WWOX: variants seen among roughly 807,000 people sequenced by gnomAD.
WWOX encodes the protein WW domain-containing oxidoreductase.
Under a neutral mutation model 46.2 loss-of-function variants are expected in WWOX, and 69 were observed. That is an observed-to-expected ratio of 1.49 (90% CI 1.23 to 1.82). WWOX has a LOEUF of 1.82. Among genes scored for constraint, WWOX ranks in the 40% most tolerant of loss-of-function variants. The pLI is 0.00. For missense variants in WWOX, 919 were observed against 542.6 expected, an observed-to-expected ratio of 1.69 and a Z score of -6.89; for synonymous variants, 359 against 202.6, an observed-to-expected ratio of 1.77 and a Z score of -6.56.
chr16:79,030,644 T>C (rs1330785575), intron 8 of WWOX, among the ~76,000 whole-genome samples: 1 of 152,216 alleles, frequency 6.6e-6, no homozygotes, highest in Non-Finnish European at 1.5e-5. Flanking sequence ...CAACCTTTGT[T>C]TGGCTTTGAA....
intron 8 of WWOX, among the ~76,000 whole-genome samples, chr16:78,557,830 G>T (rs1033296962): frequency 6.6e-6 from 1 of 151,338 alleles, no homozygotes; most frequent in Non-Finnish European, 1.5e-5. Flanking sequence ...TGAGTAGCTG[G>T]GATTATAGTC....
At chr16:79,139,991 C>T (rs955991605) in intron 8 of WWOX, among the ~76,000 whole-genome samples, 11 of 152,136 alleles carry the variant, frequency 7.2e-5, no homozygotes, top group African/African-American at 2.4e-4. Context: ...CTCTGGCAGC[C>T]GACCACAGTT....
intron 8 of WWOX, among the ~76,000 whole-genome samples, chr16:78,501,193 C>CTCTT (rs1567609023): frequency 0.033 from 2,957 of 90,952 alleles, 93 homozygotes; most frequent in South Asian, 0.042. Flanking sequence ...CTTTCTTTCT[C>CTCTT]TTTTTTTTTT....
chr16:78,415,192 G>T (rs1229476582), intron 6 of WWOX, among the ~76,000 whole-genome samples: 1 of 151,782 alleles, frequency 6.6e-6, no homozygotes, highest in East Asian at 1.9e-4. Flanking sequence ...TCCCGGAAGT[G>T]AGGGTTCTTC....
intron 8 of WWOX, among the ~76,000 whole-genome samples, chr16:78,893,174 G>T (rs775626701): frequency 6.6e-6 from 1 of 151,410 alleles, no homozygotes; most frequent in Non-Finnish European, 1.5e-5. Flanking sequence ...ACGACTATGA[G>T]ATGGAATGAC....
chr16:78,565,184 A>G (rs2044535579), intron 8 of WWOX, among the ~76,000 whole-genome samples: 2 of 152,190 alleles, frequency 1.3e-5, no homozygotes, highest in Non-Finnish European at 2.9e-5. Context: ...TAACTCCATC[A>G]CTGTGTTTCT....
chr16:78,279,745 T>G (rs1447555192), intron 5 of WWOX, among the ~76,000 whole-genome samples: 2 of 152,198 alleles, frequency 1.3e-5, no homozygotes, highest in East Asian at 3.8e-4. Context: ...GTCTTCACAT[T>G]GTTAAAATAA....
intron 5 of WWOX, among the ~76,000 whole-genome samples, chr16:78,219,300 T>C (rs1351617933): frequency 6.6e-6 from 1 of 152,198 alleles, no homozygotes; most frequent in South Asian, 2.1e-4. Context: ...ACATTGAGTG[T>C]TTTGCTCTTC....
At chr16:78,193,734 C>G (rs2151766242) in intron 5 of WWOX, among the ~76,000 whole-genome samples, 1 of 152,034 alleles carries the variant, frequency 6.6e-6, no homozygotes, top group South Asian at 2.1e-4. Context: ...TTAGCCAAAA[C>G]TAATTTGGGA....
At chr16:78,356,516 G>A (rs957302003) in intron 5 of WWOX, among the ~76,000 whole-genome samples, 4 of 152,166 alleles carry the variant, frequency 2.6e-5, no homozygotes, top group Admixed American at 1.3e-4. Flanking sequence ...CTCATCTCCA[G>A]TGCTCTGAAT....
At chr16:78,179,740 G>A (rs543225062) in intron 5 of WWOX, 1 of 152,330 alleles carries the variant, frequency 6.6e-6, no homozygotes, top group South Asian at 2.1e-4. Flanking sequence ...ACAAACAGCC[G>A]AGAGATGAAA....
chr16:78,465,621 G>GT (rs1213240284), intron 8 of WWOX, among the ~76,000 whole-genome samples: 4 of 152,220 alleles, frequency 2.6e-5, no homozygotes, highest in African/African-American at 7.2e-5. Context: ...TTTCAGGAAT[G>GT]TGTTCATATT....
At chr16:78,401,074 C>T (rs899523189) in intron 6 of WWOX, among the ~76,000 whole-genome samples, 1 of 152,208 alleles carries the variant, frequency 6.6e-6, no homozygotes, top group African/African-American at 2.4e-5. Context: ...CCTGCCCCTG[C>T]CTCCCAAAAT....
At chr16:78,800,199 GC>G (rs2050850394) in intron 8 of WWOX, among the ~76,000 whole-genome samples, 1 of 152,052 alleles carries the variant, frequency 6.6e-6, no homozygotes, top group South Asian at 2.1e-4. Flanking sequence ...AAAAAATATG[GC>G]GGTAGATGCG....
chr16:79,091,560 C>G (rs772652004), intron 8 of WWOX, among the ~76,000 whole-genome samples: 8 of 152,092 alleles, frequency 5.3e-5, no homozygotes, highest in African/African-American at 1.2e-4. Context: ...AGAGGGTTTA[C>G]TAAGCAAAGA....
intron 6 of WWOX, among the ~76,000 whole-genome samples, chr16:78,403,795 A>G (rs557177583): frequency 6.6e-6 from 1 of 152,220 alleles, no homozygotes; most frequent in Non-Finnish European, 1.5e-5. Flanking sequence ...CAAGTAATTT[A>G]CTGCCAGCTC....
intron 5 of WWOX, among the ~76,000 whole-genome samples, chr16:78,225,690 T>C (rs2037031032): frequency 1.3e-5 from 2 of 152,204 alleles, no homozygotes; most frequent in Non-Finnish European, 2.9e-5. Flanking sequence ...ACACCAGTTA[T>C]TGCAATAAGT....
At chr16:78,483,772 AAT>A (rs2084558476) in intron 8 of WWOX, among the ~76,000 whole-genome samples, 1 of 152,138 alleles carries the variant, frequency 6.6e-6, no homozygotes, top group African/African-American at 2.4e-5. Flanking sequence ...CACCTTTGGA[AAT>A]CAAGGCTCTT....
intron 8 of WWOX, among the ~76,000 whole-genome samples, chr16:78,676,414 T>TG (rs1156839066): frequency 2.0e-5 from 3 of 151,826 alleles, no homozygotes; most frequent in Admixed American, 1.3e-4. Context: ...TTTTTTTTTT[T>TG]TTTTTTAACT....
Sources: allele counts gnomAD v4.1 joint callset (sites outside exome capture counted in the v4.1 genomes callset), GRCh38; gene constraint gnomAD v4.1.1; transcripts MANE v1.5; gene names NCBI Gene and HGNC (gene_info 2026-07-23, HGNC 2026-07-21).